The following CYP2J2 variants were observed in gnomAD, a reference collection of about 807,000 sequenced individuals.
CYP2J2 encodes cytochrome P450 2J2.
Under a neutral mutation model 48.8 loss-of-function variants are expected in CYP2J2, and 41 were observed. The observed-to-expected ratio is 0.84, with a 90% confidence interval of 0.66 to 1.09. The LOEUF is 1.09. Among genes scored for constraint, CYP2J2 ranks in the 50% least tolerant of loss-of-function variants. CYP2J2 has a pLI of 0.00. For missense variants in CYP2J2, 644 were observed against 617.3 expected (o/e 1.04, Z -0.46); for synonymous variants, 221 against 227.1 (o/e 0.97, Z 0.24).
At chr1:59,960,761 T>G in the CYP2J2 span, among the ~76,000 whole-genome samples, 1 of 152,128 alleles carries the variant, frequency 6.6e-6, no homozygotes, top group Non-Finnish European at 1.5e-5. Flanking sequence ...GAGAATTACT[T>G]GAACCTGGGA....
chr1:59,912,305 A>C lies in CYP2J2; in HGVS notation c.380T>G (p.Ile127Ser), dbSNP rs762486201. 24 of 1,611,894 alleles carry C rather than the reference A, an allele frequency of 1.5e-5. No individual in the cohort carries two copies. Among genetic ancestry groups the C allele is most frequent in the Non-Finnish European group, 2.0e-5 (23 of 1,179,276 alleles). The change falls in exon 3 of 9, where the codon ATT becomes AGT. Residue 127 changes from isoleucine (I) to serine (S), a missense_variant. Physicochemically the swap from Ile to Ser is moderately radical, Grantham distance 142. Transcript: ENST00000371204. ...REHIFKKNGL[I>S]MSSGQAWKEQ... Reference sequence around the variant, plus strand: ...CTTCCATGCCTGGCCACTTGACATAATCAATCCTGGGAAAAAGAAAGTCAA... The same window carrying C: ...CTTCCATGCCTGGCCACTTGACATACTCAATCCTGGGAAAAAGAAAGTCAA...
At chr1:59,902,823 T>C (rs1047242981) in intron 7 of CYP2J2, among the ~76,000 whole-genome samples, 5 of 152,192 alleles carry the variant, frequency 3.3e-5, no homozygotes, top group African/African-American at 1.2e-4. Context: ...TTTAAATGCA[T>C]TTTTCAGATG....
intron 7 of CYP2J2, among the ~76,000 whole-genome samples, chr1:59,903,416 G>A (rs1644337539): frequency 6.6e-6 from 1 of 152,202 alleles, no homozygotes; most frequent in Non-Finnish European, 1.5e-5. Context: ...AATTCTGTTT[G>A]TCGCAGAAAC....
the CYP2J2 span, among the ~76,000 whole-genome samples, chr1:59,956,118 A>G: frequency 2.5e-4 from 38 of 152,274 alleles, 1 homozygote; most frequent in African/African-American, 9.1e-4. Context: ...AAAGAGAAAG[A>G]GAGGAGGCAC....
chr1:59,912,922 T>C (rs11572257), intron 2 of CYP2J2: 1 of 151,798 alleles, frequency 6.6e-6, no homozygotes, highest in Non-Finnish European at 1.5e-5. Context: ...GAAAGAAGAG[T>C]ACAAGCAAAG....
Position 59,909,933 on chromosome 1 carries a change from T to C in CYP2J2, c.712A>G (p.Lys238Glu). The C allele has an allele frequency of 6.2e-7, 1 of 1,609,580 alleles. No homozygotes were observed. Among genetic ancestry groups the C allele is most frequent in the Non-Finnish European group, 8.5e-7 (1 of 1,178,670 alleles). The change falls in exon 5 of 9, where the codon AAA becomes GAA. Residue 238 changes from lysine (K) to glutamate (E), a missense_variant. Physicochemically the swap from Lys to Glu is moderately conservative, Grantham distance 56. Transcript: ENST00000371204. ...QLYNVFPWIM[K>E]FLPGPHQTLF... ...GTTTGGTGGGGTCCAGGCAGGAATT[T>C]CATTATCCATGGAAAGACATTGTAG...
At chr1:59,938,443 A>G in the CYP2J2 span, among the ~76,000 whole-genome samples, 3 of 152,232 alleles carry the variant, frequency 2.0e-5, no homozygotes, top group Non-Finnish European at 4.4e-5. Context: ...TGTGTCACAA[A>G]TAAGTTCAAG....
intron 5 of CYP2J2, among the ~76,000 whole-genome samples, chr1:59,909,461 G>A (rs937042181): frequency 2.6e-5 from 4 of 152,222 alleles, no homozygotes; most frequent in Admixed American, 2.0e-4. Context: ...AGATACCAGA[G>A]AGAAGAGAAG....
At chr1:59,962,871 T>A in the CYP2J2 span, among the ~76,000 whole-genome samples, 5 of 152,212 alleles carry the variant, frequency 3.3e-5, no homozygotes, top group African/African-American at 1.2e-4. Context: ...CATCAATCTT[T>A]GAGAAAAGTC....
At chr1:59,909,693 T>G (rs768717152) in intron 5 of CYP2J2, 91 bp downstream of exon 5, 30 of 918,740 alleles carry the variant, frequency 3.3e-5, no homozygotes, top group Non-Finnish European at 3.6e-5. Flanking sequence ...GGCACCAAGT[T>G]TGTGATCATA....
chr1:59,918,062 T>C (rs1644482204), intron 1 of CYP2J2, among the ~76,000 whole-genome samples: 1 of 152,194 alleles, frequency 6.6e-6, no homozygotes, highest in Non-Finnish European at 1.5e-5. Flanking sequence ...CCTTATCTCC[T>C]ACACAGCATG....
At chr1:59,926,845 CCAGCCCGCCCCTTCG>C, upstream of CYP2J2, 2 of 1,090,054 alleles carry the variant, frequency 1.8e-6, no homozygotes, top group Non-Finnish European at 2.7e-6. Flanking sequence ...GCCCCGCCTC[CCAGCCCGCCCCTTCG>C]CAGCACCCTG....
chr1:59,929,705 T>G (rs1043138094), upstream of CYP2J2, among the ~76,000 whole-genome samples: 10 of 152,138 alleles, frequency 6.6e-5, no homozygotes, highest in African/African-American at 2.4e-4. Context: ...TAGCTTGATA[T>G]AGATTATGCA....
At chr1:59,930,294 A>G (rs1188716491), upstream of CYP2J2, among the ~76,000 whole-genome samples, 1 of 152,106 alleles carries the variant, frequency 6.6e-6, no homozygotes, top group Non-Finnish European at 1.5e-5. Context: ...ATCATATGGT[A>G]GTTCTATTTC....
chr1:59,936,122 T>C, the CYP2J2 span, among the ~76,000 whole-genome samples: 1 of 152,222 alleles, frequency 6.6e-6, no homozygotes, highest in Admixed American at 6.5e-5. Context: ...CTTACCTATG[T>C]GCTGAATGTC....
the CYP2J2 span, among the ~76,000 whole-genome samples, chr1:59,935,610 T>C: frequency 6.6e-6 from 1 of 152,170 alleles, no homozygotes; most frequent in African/African-American, 2.4e-5. Flanking sequence ...GAAATAGTTA[T>C]ATATCTAGCA....
intron 1 of CYP2J2, among the ~76,000 whole-genome samples, chr1:59,918,749 A>G (rs998216300): frequency 4.6e-5 from 7 of 152,134 alleles, no homozygotes; most frequent in African/African-American, 1.4e-4. Flanking sequence ...ACAGTCTTAA[A>G]ATCAGAAATG....
Position 59,909,847 on chromosome 1 carries a change from T to C in CYP2J2, c.798A>G (p.Arg266=). ...LFVSHMIDKH[R]KDWNPAETRD... The stretch of plus-strand genomic sequence containing the variant: ...TTGTTTCTGCAGGATTCCAATCCTT[T>C]CTGTGTTTGTCAATCATATGAGAAA... Residue 266 remains arginine (R), a synonymous_variant, in exon 5 of 9, where the codon AGA becomes AGG. Coordinates refer to ENST00000371204, the MANE Select transcript of CYP2J2 (RefSeq NM_000775.4). The C allele has an allele frequency of 1.2e-6, 2 of 1,611,766 alleles. No homozygotes were observed. The highest frequency in any genetic ancestry group is 2.2e-5 in the South Asian group (2 of 90,370).
chr1:59,967,999 C>T, the CYP2J2 span, among the ~76,000 whole-genome samples: 2 of 152,162 alleles, frequency 1.3e-5, no homozygotes, highest in African/African-American at 4.8e-5. Context: ...TATCACAAAG[C>T]TTCTATTGCA....
Sources: allele counts gnomAD v4.1 joint callset (sites outside exome capture counted in the v4.1 genomes callset), GRCh38; gene constraint gnomAD v4.1.1; transcripts MANE v1.5; gene names NCBI Gene and HGNC (gene_info 2026-07-23, HGNC 2026-07-21).